The following NUP210L variants were observed in gnomAD, a reference collection of about 807,000 sequenced individuals.
NUP210L encodes nuclear pore membrane glycoprotein 210-like.
In NUP210L, 74 loss-of-function variants were observed where a neutral mutation model predicts 208.5. The ratio of observed to expected loss-of-function variants is 0.35; its 90% CI spans 0.29 to 0.43. The LOEUF is 0.43. Ranked by LOEUF, NUP210L falls within the 20% of genes least tolerant of loss-of-function variation. NUP210L has a pLI of 1.00. For missense variants in NUP210L, 1,843 were observed against 2,289.4 expected (o/e 0.81, Z 3.98); for synonymous variants, 780 against 816.9 (o/e 0.95, Z 0.77).
intron 10 of NUP210L, among the ~76,000 whole-genome samples, chr1:154,122,221 C>T (rs1264003217): frequency 2.7e-5 from 1 of 36,602 alleles, no homozygotes; most frequent in Admixed American, 4.1e-4. Flanking sequence ...TACAAACTAC[C>T]AAATAACATG....
exon 31 of NUP210L, chr1:154,023,187 C>T: frequency 1.2e-6 from 2 of 1,613,978 alleles, no homozygotes; most frequent in East Asian, 2.2e-5. Flanking sequence ...TATTATAAAA[C>T]TGAACAGTGA....
chr1:154,101,904 CTTTGG>C (rs1656490160), intron 13 of NUP210L, among the ~76,000 whole-genome samples: 1 of 152,118 alleles, frequency 6.6e-6, no homozygotes, highest in Admixed American at 6.5e-5. Flanking sequence ...AACCCCAGCA[CTTTGG>C]GAGGCCGAGG....
rs1653724583 is a variant in NUP210L at position 154,054,904 on chromosome 1, A to AT, written c.3241-73_3241-72insA. 1.3e-5 allele frequency: 15 copies of AT among 1,128,558 alleles called. No individual in the cohort carries two copies. In the African/African-American group the frequency reaches 1.7e-4, roughly 13 times the overall value. 69.9% of individuals were successfully genotyped at this position (1,128,558 alleles called of 1,614,324 possible). On this transcript the variant is annotated intron_variant, in intron 23 of 39. Coordinates refer to ENST00000368559, the Ensembl canonical transcript of NUP210L. ...TTTTATAACATATCATGGTCATTTA[A>AT]ATTTTTTTTTTTTTTAGACAGAGTC... is the stretch of plus-strand genomic sequence containing the variant.
chr1:154,004,419 G>A (rs1409133263), intron 35 of NUP210L, among the ~76,000 whole-genome samples: 1 of 151,918 alleles, frequency 6.6e-6, no homozygotes, highest in African/African-American at 2.4e-5. Flanking sequence ...CCAGGCTGGA[G>A]TGCAGTGGTG....
At chr1:154,089,822 A>G (rs185009637) in intron 15 of NUP210L, among the ~76,000 whole-genome samples, 2 of 152,148 alleles carry the variant, frequency 1.3e-5, no homozygotes, top group Non-Finnish European at 2.9e-5. Context: ...AATCTAGGTC[A>G]GGCACAGTGG....
intron 10 of NUP210L, among the ~76,000 whole-genome samples, chr1:154,122,357 T>C (rs1011801407): frequency 1.3e-5 from 2 of 152,134 alleles, no homozygotes; most frequent in African/African-American, 2.4e-5. Context: ...AGGATGGCTA[T>C]TATTTAAAAA....
chr1:154,154,901 G>C (rs773559155), exon 1 of NUP210L: 1 of 1,614,102 alleles, frequency 6.2e-7, no homozygotes, highest in South Asian at 1.1e-5. Context: ...GCTCTCGGCC[G>C]AAGGGTAGCA....
At chr1:154,102,388 T>C (rs1017691257) in intron 13 of NUP210L, among the ~76,000 whole-genome samples, 1 of 152,118 alleles carries the variant, frequency 6.6e-6, no homozygotes, top group African/African-American at 2.4e-5. Context: ...CGCCATCTGA[T>C]AGCCATGATG....
intron 35 of NUP210L, among the ~76,000 whole-genome samples, chr1:154,004,809 G>A (rs1254993779): frequency 6.6e-6 from 1 of 151,536 alleles, no homozygotes; most frequent in Non-Finnish European, 1.5e-5. Context: ...ACTGTGGCCA[G>A]GCTATTCCTC....
intron 35 of NUP210L, among the ~76,000 whole-genome samples, chr1:154,008,948 C>T (rs1650735196): frequency 6.7e-6 from 1 of 150,078 alleles, no homozygotes; most frequent in Non-Finnish European, 1.5e-5. Context: ...CTTGCTCTTT[C>T]GCCCAGTCTG....
chr1:154,088,490 G>T (rs1255671127), intron 16 of NUP210L, among the ~76,000 whole-genome samples: 5 of 152,142 alleles, frequency 3.3e-5, no homozygotes, highest in African/African-American at 4.8e-5. Flanking sequence ...GCCATTGAAT[G>T]ACAATGATGT....
exon 23 of NUP210L, chr1:154,056,826 G>C (rs760261503): frequency 1.3e-6 from 2 of 1,579,372 alleles, no homozygotes; most frequent in African/African-American, 1.4e-5. Context: ...TCAATGTGCC[G>C]AGGAGTTGAT....
chr1:154,094,848 C>G (rs1272401712), intron 15 of NUP210L, 87 bp downstream of exon 15: 6 of 966,874 alleles, frequency 6.2e-6, no homozygotes, highest in Non-Finnish European at 9.4e-6. Context: ...AAACTAAATT[C>G]AGCAGAATCT....
intron 31 of NUP210L, among the ~76,000 whole-genome samples, chr1:154,022,675 CTT>C (rs375659718): frequency 3.8e-4 from 44 of 114,984 alleles, no homozygotes; most frequent in East Asian, 2.3e-3. Context: ...TAAGTCTGGT[CTT>C]TTTTTTTTTT....
At chr1:154,104,257 G>C (rs369036040) in intron 12 of NUP210L, 47 bp from the exon 13 acceptor site, 30 of 1,535,004 alleles carry the variant, frequency 2.0e-5, no homozygotes, top group Non-Finnish European at 2.7e-5. Flanking sequence ...TTAAAAAAAA[G>C]TCTTAGGAGG....
At chr1:154,151,202 G>A (rs180885974) in intron 2 of NUP210L, among the ~76,000 whole-genome samples, 75 of 150,516 alleles carry the variant, frequency 5.0e-4, no homozygotes, top group African/African-American at 1.6e-3. Context: ...TCTGACTTTC[G>A]TATCCTTCTC....
chr1:154,042,816 A>C (rs1652962697), intron 27 of NUP210L, among the ~76,000 whole-genome samples: 1 of 150,922 alleles, frequency 6.6e-6, no homozygotes, highest in Non-Finnish European at 1.5e-5. Context: ...GGTTCAAGGA[A>C]TCCTCTTGCC....
intron 37 of NUP210L, chr1:153,995,522 T>C (rs965483731): frequency 1.6e-6 from 1 of 616,164 alleles, no homozygotes; most frequent in African/African-American, 1.8e-5. Context: ...ATTCTTGAGC[T>C]TGTTATTTCT....
exon 13 of NUP210L, chr1:154,104,141 T>C: frequency 6.2e-7 from 1 of 1,614,036 alleles, no homozygotes; most frequent in Non-Finnish European, 8.5e-7. Context: ...GGTATTTCTA[T>C]AATCTGGCCA....
Sources: allele counts gnomAD v4.1 joint callset (sites outside exome capture counted in the v4.1 genomes callset), GRCh38; gene constraint gnomAD v4.1.1; transcripts MANE v1.5; gene names NCBI Gene and HGNC (gene_info 2026-07-23, HGNC 2026-07-21).